RSPO2: variants seen among roughly 807,000 people sequenced by gnomAD.
RSPO2 encodes R-spondin 2.
Under a neutral mutation model 30.9 loss-of-function variants are expected in RSPO2, and 14 were observed. That is an observed-to-expected ratio of 0.45 (90% confidence interval 0.30 to 0.71). The LOEUF (loss-of-function observed/expected upper bound fraction) is 0.71. Among genes scored for constraint, RSPO2 ranks in the 30% least tolerant of loss-of-function variants. RSPO2 has a pLI of 0.08. For missense variants in RSPO2, 264 were observed against 301.9 expected (o/e 0.87, Z 0.93); for synonymous variants, 107 against 96.4 (o/e 1.11, Z -0.64).
At chr8:108,030,258 A>C (rs1435624013) in intron 2 of RSPO2, among the ~76,000 whole-genome samples, 2 of 152,114 alleles carry the variant, frequency 1.3e-5, no homozygotes, top group Non-Finnish European at 2.9e-5. Context: ...GGAGAAACCC[A>C]AGCAGTATTC....
intron 3 of RSPO2, among the ~76,000 whole-genome samples, chr8:107,962,794 A>T (rs767757672): frequency 6.6e-6 from 1 of 152,210 alleles, no homozygotes; most frequent in Non-Finnish European, 1.5e-5. Context: ...AGATGAAAAA[A>T]AAAAGCTCTT....
intron 5 of RSPO2, among the ~76,000 whole-genome samples, chr8:107,910,269 T>G (rs1811781006): frequency 6.6e-6 from 1 of 152,232 alleles, no homozygotes; most frequent in Admixed American, 6.5e-5. Context: ...AAATGACATT[T>G]AAGACCATTG....
In RSPO2 at chr8:107,900,205, T is replaced by TATCTA; in HGVS notation, c.*865_*869dup. ...GATTGCCAGATGCCGCCTGCTGCTT[T>TATCTA]ATCTATATGTGTGGGACATGTGGAG... is the stretch of plus-strand genomic sequence containing the variant. On this transcript the variant is annotated 3_prime_UTR_variant, in exon 6 of 6. Coordinates refer to ENST00000276659, the MANE Select transcript of RSPO2 (RefSeq NM_178565.5). The TATCTA allele has an allele frequency of 6.6e-6, 1 of 152,144 alleles. No homozygotes were observed. Among genetic ancestry groups the TATCTA allele is most frequent in the Middle Eastern group, 3.2e-3 (1 of 316 alleles). 9.4% of individuals were successfully genotyped at this position (152,144 alleles called of 1,614,324 possible).
intron 2 of RSPO2, among the ~76,000 whole-genome samples, chr8:108,055,126 AAAAAG>A (rs1812203272): frequency 6.6e-6 from 1 of 152,096 alleles, no homozygotes; most frequent in Admixed American, 6.5e-5. Flanking sequence ...GTATCAAAAG[AAAAAG>A]AAAAGAAAAC....
At chr8:108,005,607 G>C (rs1186760868) in intron 2 of RSPO2, among the ~76,000 whole-genome samples, 1 of 152,074 alleles carries the variant, frequency 6.6e-6, no homozygotes, top group East Asian at 1.9e-4. Context: ...GGCTGTTACT[G>C]TCTTTGTTTA....
At chr8:108,074,724 G>A (rs1386040877) in intron 2 of RSPO2, among the ~76,000 whole-genome samples, 2 of 152,172 alleles carry the variant, frequency 1.3e-5, no homozygotes, top group African/African-American at 2.4e-5. Context: ...GAAACATACC[G>A]TGTACAGGAA....
At chr8:107,934,217 CA>C (rs574554029) in intron 5 of RSPO2, among the ~76,000 whole-genome samples, 2 of 151,384 alleles carry the variant, frequency 1.3e-5, no homozygotes, top group African/African-American at 2.4e-5. Context: ...AATATGTTGG[CA>C]AAAAAAATCA....
chr8:108,065,125 C>T (rs989818600), intron 2 of RSPO2, among the ~76,000 whole-genome samples: 4 of 151,236 alleles, frequency 2.6e-5, no homozygotes, highest in Admixed American at 6.6e-5. Context: ...ACATATGTAA[C>T]GAACCTGCGC....
At chr8:107,988,738 G>A (rs988646057) in intron 3 of RSPO2, among the ~76,000 whole-genome samples, 1 of 151,918 alleles carries the variant, frequency 6.6e-6, no homozygotes, top group Non-Finnish European at 1.5e-5. Flanking sequence ...AGTGATTCTG[G>A]TGCCTCAGCT....
At chr8:107,947,306 C>A (rs1459972371) in intron 5 of RSPO2, among the ~76,000 whole-genome samples, 1 of 152,144 alleles carries the variant, frequency 6.6e-6, no homozygotes, top group Admixed American at 6.5e-5. Context: ...ATAAGGTTAA[C>A]ATGGCAAGCT....
intron 5 of RSPO2, among the ~76,000 whole-genome samples, chr8:107,921,627 C>T (rs551966311): frequency 7.9e-5 from 12 of 152,032 alleles, no homozygotes; most frequent in Non-Finnish European, 1.8e-4. Context: ...CCAGCACCAT[C>T]CTGATAACAA....
At chr8:107,907,868 T>C in intron 5 of RSPO2, among the ~76,000 whole-genome samples, 1 of 152,148 alleles carries the variant, frequency 6.6e-6, no homozygotes, top group Non-Finnish European at 1.5e-5. Context: ...AAATGGCTTC[T>C]TTAAGACTTC....
intron 5 of RSPO2, among the ~76,000 whole-genome samples, chr8:107,901,904 AG>A (rs1811484981): frequency 6.6e-6 from 1 of 152,196 alleles, no homozygotes; most frequent in South Asian, 2.1e-4. Flanking sequence ...CTTAGCCACT[AG>A]GAAGCCCAGG....
chr8:107,985,493 A>C (rs1232495520), intron 3 of RSPO2, among the ~76,000 whole-genome samples: 1 of 152,216 alleles, frequency 6.6e-6, no homozygotes, highest in Non-Finnish European at 1.5e-5. Flanking sequence ...ATAATTCATT[A>C]AACAAGTTAC....
intron 2 of RSPO2, among the ~76,000 whole-genome samples, chr8:108,020,436 G>A (rs535504375): frequency 1.1e-4 from 16 of 152,150 alleles, no homozygotes; most frequent in Admixed American, 2.6e-4. Flanking sequence ...AAAATCCACC[G>A]TATTCCCTAC....
At position 108,023,691 on chromosome 8, in the gene RSPO2, T is replaced by A. The variant is rs534014708; in HGVS notation, c.95-34447A>T. ...ATGGCTCTACTCATAAATAGGACAC[T>A]CTGTTATGGCCACAGGTAATAGATA... On this transcript the variant is annotated intron_variant, in intron 2 of 5. Coordinates refer to ENST00000276659, the MANE Select transcript of RSPO2 (RefSeq NM_178565.5). 2.0e-5 allele frequency among the ~76,000 whole-genome samples: 3 copies of A among 152,170 alleles called. No homozygotes were observed. In the South Asian group the frequency reaches 6.2e-4, roughly 32 times the overall value.
chr8:108,046,049 G>A (rs1309668224), intron 2 of RSPO2, among the ~76,000 whole-genome samples: 1 of 152,084 alleles, frequency 6.6e-6, no homozygotes, highest in African/African-American at 2.4e-5. Context: ...AGCCAAGACA[G>A]GTATTGTTAA....
intron 2 of RSPO2, among the ~76,000 whole-genome samples, chr8:108,058,272 C>T (rs62535505): frequency 1.3e-5 from 2 of 152,026 alleles, no homozygotes; most frequent in Non-Finnish European, 2.9e-5. Flanking sequence ...AATAAAATAC[C>T]TAGGAATCCA....
chr8:108,012,910 A>G (rs954811521), intron 2 of RSPO2, among the ~76,000 whole-genome samples: 4 of 152,210 alleles, frequency 2.6e-5, no homozygotes, highest in African/African-American at 9.6e-5. Flanking sequence ...CTAAATTTAC[A>G]ACCCACACAA....
Sources: allele counts gnomAD v4.1 joint callset (sites outside exome capture counted in the v4.1 genomes callset), GRCh38; gene constraint gnomAD v4.1.1; transcripts MANE v1.5; gene names NCBI Gene and HGNC (gene_info 2026-07-23, HGNC 2026-07-21).